Variants in LRRN2 observed in about 807,000 individuals in gnomAD.
LRRN2 encodes the protein leucine-rich repeat neuronal protein 2.
In LRRN2, 10 loss-of-function variants were observed where a neutral mutation model predicts 35.7. That is an observed-to-expected ratio of 0.28 (90% confidence interval 0.17 to 0.47). The LOEUF (loss-of-function observed/expected upper bound fraction) is 0.47, where lower values mean the gene tolerates loss of function less well. LRRN2 is among the 20% of genes least tolerant of loss of function. The pLI, the probability that LRRN2 is intolerant of heterozygous loss-of-function variation, is 0.99. For missense variants in LRRN2, 731 were observed against 940.3 expected, an observed-to-expected ratio of 0.78 and a Z score of 2.91; for synonymous variants, 391 against 409.6, an observed-to-expected ratio of 0.95 and a Z score of 0.55.
chr1:204,637,107 C>T (rs1435489405), intron 1 of LRRN2, among the ~76,000 whole-genome samples: 1 of 152,072 alleles, frequency 6.6e-6, no homozygotes, highest in Non-Finnish European at 1.5e-5. Flanking sequence ...GATGATTGCT[C>T]ACTGTAAAAT....
chr1:204,623,501 C>A (rs1436307822), intron 1 of LRRN2, among the ~76,000 whole-genome samples: 2 of 152,198 alleles, frequency 1.3e-5, no homozygotes, highest in African/African-American at 4.8e-5. Context: ...ACCTCTGACC[C>A]CAAGGCTTGG....
chr1:204,625,897 C>T (rs977374080), intron 1 of LRRN2, among the ~76,000 whole-genome samples: 3 of 152,244 alleles, frequency 2.0e-5, no homozygotes, highest in Non-Finnish European at 4.4e-5. Flanking sequence ...AAAAATTGCT[C>T]TCAGCCTTGG....
At chr1:204,634,062 A>C (rs376824965) in intron 1 of LRRN2, among the ~76,000 whole-genome samples, 4 of 152,388 alleles carry the variant, frequency 2.6e-5, no homozygotes, top group African/African-American at 9.6e-5. Flanking sequence ...GACTGCGGCA[A>C]GTACAAAAGA....
intron 1 of LRRN2, among the ~76,000 whole-genome samples, chr1:204,638,402 C>CCTTTTTTT (rs1667891309): frequency 1.4e-5 from 1 of 71,688 alleles, no homozygotes; most frequent in Non-Finnish European, 2.4e-5. Flanking sequence ...CAAGGTCTTC[C>CCTTTTTTT]TTTTTTTTTT....
intron 1 of LRRN2, among the ~76,000 whole-genome samples, chr1:204,684,089 GA>G (rs1049816936): frequency 1.3e-5 from 2 of 152,178 alleles, no homozygotes; most frequent in Non-Finnish European, 2.9e-5. Context: ...AGACTGGCGG[GA>G]AAGGGGGGCA....
intron 1 of LRRN2, among the ~76,000 whole-genome samples, chr1:204,670,698 G>A (rs1668689561): frequency 6.7e-6 from 1 of 150,218 alleles, no homozygotes; most frequent in South Asian, 2.2e-4. Flanking sequence ...AAGAATGTGG[G>A]GTCAGAGAAG....
chr1:204,619,701 G>C lies in LRRN2; in HGVS notation c.292C>G (p.Leu98Val), dbSNP rs1224147639. Reference protein sequence around the residue: ...ELGYLANLTELDLSQNSFSDA... With the variant: ...ELGYLANLTEVDLSQNSFSDA... Reference sequence around the variant, plus strand: ...GAAAAGCTGTTCTGGGACAGGTCCAGCTCTGTGAGATTGGCCAGGTAGCCC... The same window carrying C: ...GAAAAGCTGTTCTGGGACAGGTCCACCTCTGTGAGATTGGCCAGGTAGCCC... Residue 98 changes from leucine (L) to valine (V), a missense_variant, in exon 2 of 2, where the codon CTG (leucine) becomes GTG (valine). By Grantham distance (32) the Leu-to-Val change is conservative. This residue lies in a region of LRRN2 where 246 missense variants were observed against 289.5 expected (regional missense o/e 0.85). Transcript: ENST00000367177. The C allele has an allele frequency of 6.2e-7, 1 of 1,614,214 alleles. No individual in the cohort carries two copies. The highest frequency in any genetic ancestry group is 1.1e-5 in the South Asian group (1 of 91,084).
chr1:204,617,902 G>A lies in LRRN2; in HGVS notation c.2091C>T (p.Pro697=). ...VLPWNPGRKL[P]RSSEGETLLP... ...ACAGTGTCTCCCCTTCTGAGGATCT[G>A]GGCAGCTTCCTCCCTGGATTCCAGG... The change falls in exon 2 of 2, where the codon CCC becomes CCT. Residue 697 remains proline (P), a synonymous_variant. Transcript: ENST00000367177. 6.2e-7 allele frequency: 1 copy of A among 1,614,114 alleles called. No individual in the cohort carries two copies. Among genetic ancestry groups the A allele is most frequent in the Non-Finnish European group, 8.5e-7 (1 of 1,180,040 alleles).
At chr1:204,680,587 C>T (rs995548028) in intron 1 of LRRN2, among the ~76,000 whole-genome samples, 1 of 152,180 alleles carries the variant, frequency 6.6e-6, no homozygotes, top group Non-Finnish European at 1.5e-5. Flanking sequence ...CTGCTTGATG[C>T]GGGCTTAGAA....
chr1:204,670,925 G>C (rs556357431), intron 1 of LRRN2, among the ~76,000 whole-genome samples: 2 of 152,320 alleles, frequency 1.3e-5, no homozygotes, highest in South Asian at 2.1e-4. Context: ...ACGGAGAAGA[G>C]AGACAGTGTG....
In LRRN2 at chr1:204,653,876, A is replaced by AAC. The variant is rs397946770; in HGVS notation, c.-227+31443_-227+31444insGT. Among the ~76,000 whole-genome samples the AAC allele has an allele frequency of 9.3e-5, 14 of 150,484 alleles. No homozygotes were observed. In the East Asian group the frequency reaches 1.8e-3, roughly 19 times the overall value. ...GACCCCATCTCAAAAAAAAAAAAAAAGAAAAACTATTTAGCTGGGCATGGT... is the reference window on the plus strand; with the variant it reads ...GACCCCATCTCAAAAAAAAAAAAAAAACGAAAAACTATTTAGCTGGGCATGGT... On this transcript the variant is annotated intron_variant, in intron 1 of 1. Transcript: ENST00000367177.
chr1:204,617,195 C>T lies in LRRN2; in HGVS notation c.*656G>A, dbSNP rs547018006. ...TTATTTTCCTTTCGTTCCTTTCCCC[C>T]GTATTATTGTTATTATTTATTTTTA... On this transcript the variant is annotated 3_prime_UTR_variant, in exon 2 of 2. Coordinates refer to ENST00000367177, the MANE Select transcript of LRRN2 (RefSeq NM_201630.2). The T allele has an allele frequency of 3.3e-5, 5 of 152,566 alleles. No individual in the cohort carries two copies. The East Asian group carries it at 7.7e-4, about 23-fold the overall frequency. The allele number at this position is 152,566 out of a possible 1,614,324, so 9.5% of individuals were successfully genotyped here.
At chr1:204,645,468 G>A (rs1241787243) in intron 1 of LRRN2, among the ~76,000 whole-genome samples, 1 of 152,144 alleles carries the variant, frequency 6.6e-6, no homozygotes, top group African/African-American at 2.4e-5. Flanking sequence ...TCTGGACATG[G>A]GTAAAAGAAT....
At chr1:204,628,572 A>AC (rs1278382613) in intron 1 of LRRN2, 1 of 152,130 alleles carries the variant, frequency 6.6e-6, no homozygotes, top group Non-Finnish European at 1.5e-5. Context: ...GCGCTTCGAG[A>AC]CCATCTTTGT....
intron 1 of LRRN2, among the ~76,000 whole-genome samples, chr1:204,656,099 C>T (rs1022221493): frequency 5.9e-5 from 9 of 151,974 alleles, no homozygotes; most frequent in East Asian, 1.9e-4. Context: ...TTAGTAGAGA[C>T]GGGGTTTCAC....
chr1:204,664,833 G>C (rs187557490), intron 1 of LRRN2, among the ~76,000 whole-genome samples: 1 of 152,276 alleles, frequency 6.6e-6, no homozygotes, highest in East Asian at 1.9e-4. Flanking sequence ...TCTGGGGTCA[G>C]TCCTCTGCCG....
At chr1:204,642,659 G>A (rs763692600) in intron 1 of LRRN2, among the ~76,000 whole-genome samples, 12 of 152,184 alleles carry the variant, frequency 7.9e-5, no homozygotes, top group Admixed American at 6.5e-5. Context: ...GACCATGTCC[G>A]GCAGGACTCA....
chr1:204,619,203 T>G lies in LRRN2; in HGVS notation c.790A>C (p.Lys264Gln), dbSNP rs1666646287. 2 of 1,613,886 alleles carry G rather than the reference T, an allele frequency of 1.2e-6. No individual in the cohort carries two copies. The highest frequency in any genetic ancestry group is 2.7e-5 in the African/African-American group (2 of 74,904). Residue 264 changes from lysine to glutamine, a missense_variant, in exon 2 of 2, where the codon AAG becomes CAG. Lys to Gln is a moderately conservative substitution (Grantham distance 53, BLOSUM62 1). Transcript: ENST00000367177. ...RRALEQVPGL[K>Q]FLDLNKNPLQ... Reference sequence around the variant, plus strand: ...GGGTTCTTGTTGAGGTCTAGGAACTTGAGCCCGGGCACCTGTTCCAGTGCC... The same window carrying G: ...GGGTTCTTGTTGAGGTCTAGGAACTGGAGCCCGGGCACCTGTTCCAGTGCC...
intron 1 of LRRN2, among the ~76,000 whole-genome samples, chr1:204,675,401 C>T (rs188206314): frequency 1.2e-3 from 180 of 152,330 alleles, no homozygotes; most frequent in African/African-American, 4.0e-3. Context: ...AGCTAGGTGT[C>T]GGTAGGGTTG....
Sources: allele counts gnomAD v4.1 joint callset (sites outside exome capture counted in the v4.1 genomes callset), GRCh38; gene constraint gnomAD v4.1.1; regional missense constraint gnomAD v4.1.1; transcripts MANE v1.5; gene names NCBI Gene and HGNC (gene_info 2026-07-23, HGNC 2026-07-21).